Variants in TCEA3 observed in about 807,000 individuals in gnomAD.
TCEA3 encodes transcription elongation factor A3, also known as transcription elongation factor A protein 3.
In TCEA3, 36 loss-of-function variants were observed where a neutral mutation model predicts 44.0. The ratio of observed to expected loss-of-function variants is 0.82; its 90% CI spans 0.63 to 1.08. The LOEUF is 1.08. TCEA3 is among the 50% of genes least tolerant of loss of function. TCEA3 has a pLI of 0.00. For synonymous variants in TCEA3, 162 were observed against 159.7 expected, an observed-to-expected ratio of 1.01 and a Z score of -0.11; for missense variants, 392 against 441.2, an observed-to-expected ratio of 0.89 and a Z score of 1.00.
chr1:23,389,792 A>G (rs1638966451), intron 8 of TCEA3, among the ~76,000 whole-genome samples: 2 of 152,336 alleles, frequency 1.3e-5, no homozygotes, highest in African/African-American at 4.8e-5. Flanking sequence ...GCTATGGTCA[A>G]TGGGACAAAA....
chr1:23,424,521 GCCTCCCGGGGGCGGGGGCCGTGGCCCAA>G lies in TCEA3; in HGVS notation c.69+16_69+43del. 1 of 1,561,400 alleles carries G rather than the reference GCCTCCCGGGGGCGGGGGCCGTGGCCCAA, an allele frequency of 6.4e-7. No homozygotes were observed. The highest frequency in any genetic ancestry group is 1.7e-5 in the Admixed American group (1 of 58,210). On this transcript the variant is annotated intron_variant, in intron 1 of 10. Transcript: ENST00000450454. ...ACCCCGGAATCCGGGGCTTGCCCGC[GCCTCCCGGGGGCGGGGGCCGTGGCCCAA>G]ACTCTGCAGCCTCACCGTGTTCTTC...
rs954288436 is a variant in TCEA3, at chr1:23,408,679, C to CT, written c.427dup (p.Arg143LysfsTer21). 1 of 1,611,752 alleles carries CT rather than the reference C, an allele frequency of 6.2e-7. No homozygotes were observed. Among genetic ancestry groups the CT allele is most frequent in the Non-Finnish European group, 8.5e-7 (1 of 1,179,078 alleles). ...TTTCCTTTACCTTTCCACCGATGGT[C>CT]TTTTTGGAGAGGAGGAGGCAGAAGA... On this transcript the variant is annotated frameshift_variant, in exon 5 of 11. Transcript: ENST00000450454. LOFTEE classifies it high-confidence loss of function.
rs112607763 is a variant in TCEA3, at chr1:23,391,661, G to A, written c.819+2218C>T. Among the ~76,000 whole-genome samples the A allele has an allele frequency of 5.8e-3, 879 of 152,202 alleles. 3 individuals are homozygous for A. Among genetic ancestry groups the A allele is most frequent in the Non-Finnish European group, 9.7e-3 (660 of 67,998 alleles). ...AACTAGGCCAGGTGTCATGGTTCAC[G>A]CCTGTAATCCCAGCACTTTGGGAGG... On this transcript the variant is annotated intron_variant, in intron 8 of 10. Transcript: ENST00000450454.
In TCEA3 at chr1:23,419,072, C is replaced by A. The variant is rs1174875785; in HGVS notation, c.132+5G>T. 1 of 1,571,144 alleles carries A rather than the reference C, an allele frequency of 6.4e-7. No individual in the cohort carries two copies. The highest frequency in any genetic ancestry group is 8.7e-7 in the Non-Finnish European group (1 of 1,155,872). On this transcript the variant is annotated splice_donor_5th_base_variant and intron_variant, in intron 2 of 10. Coordinates refer to ENST00000450454, the MANE Select transcript of TCEA3 (RefSeq NM_003196.3). ...CTGTCCCAAGGCTTCCCACCCCCGC[C>A]CCACCTGTAGTAGCTGGATGGACAT...
intron 4 of TCEA3, among the ~76,000 whole-genome samples, chr1:23,412,394 T>C (rs1476531516): frequency 9.2e-5 from 11 of 119,918 alleles, no homozygotes; most frequent in South Asian, 2.7e-4. Flanking sequence ...GGTGAGACTC[T>C]GTCTCAAAAA....
chr1:23,399,444 C>T (rs1639331504), intron 5 of TCEA3, among the ~76,000 whole-genome samples: 1 of 151,856 alleles, frequency 6.6e-6, no homozygotes, highest in South Asian at 2.1e-4. Context: ...CTTATGACCT[C>T]ATTTAACCTT....
Position 23,383,348 on chromosome 1 carries a change from CTG to C in TCEA3, c.1038+996_1038+997del, listed in dbSNP as rs564041177. 1.1e-3 allele frequency: 979 copies of C among 852,748 alleles called. 7 individuals are homozygous for C. In the African/African-American group the frequency reaches 0.017, roughly 15 times the overall value. 52.8% of individuals were successfully genotyped at this position (852,748 alleles called of 1,614,324 possible). A position where few individuals can be genotyped will look rare whatever the true frequency, so the allele number is the denominator to read the frequency against. On this transcript the variant is annotated intron_variant, in intron 10 of 10. Transcript: ENST00000450454. Reference sequence around the variant, plus strand: ...GAGCATCGGCTTTCAGTGCTCCAAACTGTGGCTTTATGCTTATTAACTATTTC... The same window carrying C: ...GAGCATCGGCTTTCAGTGCTCCAAACTGGCTTTATGCTTATTAACTATTTC...
intron 9 of TCEA3, among the ~76,000 whole-genome samples, chr1:23,386,962 C>T (rs757142457): frequency 4.0e-5 from 6 of 151,680 alleles, no homozygotes; most frequent in South Asian, 2.1e-4. Context: ...CCTCGTGATC[C>T]GCCCGTCTTG....
chr1:23,402,525 C>G (rs1043363192), intron 5 of TCEA3, among the ~76,000 whole-genome samples: 1 of 152,190 alleles, frequency 6.6e-6, no homozygotes. Flanking sequence ...CGGGCCTTTG[C>G]ACAGGCTGGT....
At chr1:23,408,249 A>C (rs1225761189) in intron 5 of TCEA3, among the ~76,000 whole-genome samples, 2 of 152,188 alleles carry the variant, frequency 1.3e-5, no homozygotes, top group East Asian at 1.9e-4. Flanking sequence ...GGCATGAGCC[A>C]CTGTGCCCAG....
intron 10 of TCEA3, among the ~76,000 whole-genome samples, chr1:23,382,461 G>A (rs1022053958): frequency 6.6e-6 from 1 of 152,172 alleles, no homozygotes; most frequent in Non-Finnish European, 1.5e-5. Context: ...TATGTACCAG[G>A]CATGTCTGTA....
At position 23,392,432 on chromosome 1, in the gene TCEA3, A is replaced by G. The variant is rs1174368744; in HGVS notation, c.819+1447T>C. ...ATCATGCACAATACACACACACTCC[A>G]CACATCATGCACAATACACACACAC... On this transcript the variant is annotated intron_variant, in intron 8 of 10. Coordinates refer to ENST00000450454, the MANE Select transcript of TCEA3 (RefSeq NM_003196.3). 1.6e-4 allele frequency among the ~76,000 whole-genome samples: 19 copies of G among 120,140 alleles called. 2 individuals are homozygous for G. The highest frequency in any genetic ancestry group is 5.9e-4 in the South Asian group (2 of 3,366). 78.8% of individuals were successfully genotyped at this position (120,140 alleles called of 152,430 possible). A position where few individuals can be genotyped will look rare whatever the true frequency, so the allele number is the denominator to read the frequency against.
chr1:23,411,927 T>C (rs796757116), intron 4 of TCEA3, among the ~76,000 whole-genome samples: 3 of 152,226 alleles, frequency 2.0e-5, no homozygotes, highest in African/African-American at 7.2e-5. Context: ...ATGTGACCTA[T>C]CATATGATTA....
At chr1:23,402,572 A>G (rs1234186787) in intron 5 of TCEA3, among the ~76,000 whole-genome samples, 3 of 152,118 alleles carry the variant, frequency 2.0e-5, no homozygotes, top group African/African-American at 7.2e-5. Flanking sequence ...TCCAGGTCTC[A>G]GCTCGCATGA....
intron 1 of TCEA3, among the ~76,000 whole-genome samples, chr1:23,422,254 G>T (rs970978634): frequency 6.6e-6 from 1 of 152,178 alleles, no homozygotes; most frequent in Non-Finnish European, 1.5e-5. Context: ...GTCAATGTGG[G>T]TCATATGGGT....
Position 23,412,478 on chromosome 1 carries a change from G to T in TCEA3, c.381-3752C>A, listed in dbSNP as rs567277534. Among the ~76,000 whole-genome samples, 3 of 151,918 alleles carry T rather than the reference G, an allele frequency of 2.0e-5. No individual in the cohort carries two copies. The South Asian group carries it at 6.2e-4, about 32-fold the overall frequency. On this transcript the variant is annotated intron_variant, in intron 4 of 10. Transcript: ENST00000450454. ...AGCACTTTGGGAGGCTGAGGTGGGC[G>T]GATCACTTGAGGTCAGGAGTTCGAG...
chr1:23,382,031 G>T (rs1638683902), intron 10 of TCEA3, among the ~76,000 whole-genome samples: 1 of 150,774 alleles, frequency 6.6e-6, no homozygotes, highest in African/African-American at 2.4e-5. Flanking sequence ...TCTGAGATAG[G>T]CACTAATATC....
At chr1:23,382,486 T>G (rs1484718870) in intron 10 of TCEA3, among the ~76,000 whole-genome samples, 1 of 152,202 alleles carries the variant, frequency 6.6e-6, no homozygotes, top group Non-Finnish European at 1.5e-5. Context: ...GGGCTTTTTT[T>G]GTATGGTTGT....
chr1:23,387,153 A>C, intron 9 of TCEA3, 120 bp downstream of exon 9: 1 of 1,329,054 alleles, frequency 7.5e-7, no homozygotes, highest in East Asian at 2.5e-5. Flanking sequence ...GCACCCGGCA[A>C]AGCCTAGAGA....
Sources: gnomAD v4.1 joint callset for allele counts (sites outside exome capture counted in the v4.1 genomes callset) on GRCh38, gnomAD v4.1.1 for gene constraint, MANE v1.5 for transcripts, NCBI Gene and HGNC (gene_info 2026-07-23, HGNC 2026-07-21) for gene names.